The following AMOT variants were observed in gnomAD, a reference collection of about 807,000 sequenced individuals.
The protein encoded by AMOT is angiomotin.
Under a neutral mutation model 67.0 loss-of-function variants are expected in AMOT, and 11 were observed. The observed-to-expected ratio is 0.16, with a 90% CI of 0.10 to 0.27. The LOEUF is 0.27. Ranked by LOEUF, AMOT falls within the 10% of genes least tolerant of loss-of-function variation. The pLI, the probability that AMOT is intolerant of heterozygous loss-of-function variation, is 1.00. For missense variants in AMOT, 753 were observed against 852.0 expected, an observed-to-expected ratio of 0.88 and a Z score of 1.45; for synonymous variants, 326 against 321.4, an observed-to-expected ratio of 1.01 and a Z score of -0.15.
rs150420120 is a variant in AMOT at position 112,825,984 on chromosome X, T to A, written c.-211-764A>T. ...ATGCCTCCACTTGCTTTCTTGGCAC[T>A]TCCACTGCCCCAGTGTCTCAGTAAA... On this transcript the variant is annotated intron_variant, in intron 2 of 13. Transcript: ENST00000371959. Among the ~76,000 whole-genome samples, 490 of 109,312 alleles carry A rather than the reference T, an allele frequency of 4.5e-3. 6 individuals are homozygous for A. Among genetic ancestry groups the A allele is most frequent in the African/African-American group, 0.015 (465 of 30,073 alleles). 94.9% of individuals were successfully genotyped at this position (109,312 alleles called of 115,157 possible). A position where few individuals can be genotyped will look rare whatever the true frequency, so the allele number is the denominator to read the frequency against.
chrX:112,838,321 A>C (rs935278281), intron 1 of AMOT, among the ~76,000 whole-genome samples: 2 of 112,034 alleles, frequency 1.8e-5, no homozygotes, highest in African/African-American at 6.5e-5. Flanking sequence ...AAAAAGCTGG[A>C]TCAAAGGAAG....
At chrX:112,781,313 G>A (rs1933159705) in intron 11 of AMOT, among the ~76,000 whole-genome samples, 195 bp from the exon 12 acceptor site, 3 of 110,147 alleles carry the variant, frequency 2.7e-5, no homozygotes, top group South Asian at 3.9e-4. Context: ...GGTGGCAGGC[G>A]CCTATAGTCC....
chrX:112,787,576 TGTG>T (rs1367042927), intron 10 of AMOT, among the ~76,000 whole-genome samples: 1 of 111,901 alleles, frequency 8.9e-6, no homozygotes, highest in Non-Finnish European at 1.9e-5. Flanking sequence ...CTGTGTTAAT[TGTG>T]GTGGTGGTTA....
At chrX:112,779,942 C>T (rs1232008532) in intron 12 of AMOT, among the ~76,000 whole-genome samples, 8 of 110,958 alleles carry the variant, frequency 7.2e-5, no homozygotes, top group African/African-American at 1.6e-4. Context: ...CTACAGACTT[C>T]GAGGATCCCT....
At position 112,775,291 on chromosome X, in the gene AMOT, C is replaced by T. The variant is rs1325723006; in HGVS notation, c.*3276G>A. On this transcript the variant is annotated 3_prime_UTR_variant, in exon 14 of 14. Transcript: ENST00000371959. Reference sequence around the variant, plus strand: ...AAAACATTTTCAGTAAGAATGCACACGTTTTAAGTAACATATTCCATATGC... The same window carrying T: ...AAAACATTTTCAGTAAGAATGCACATGTTTTAAGTAACATATTCCATATGC... 1 of 112,712 alleles carries T rather than the reference C, an allele frequency of 8.9e-6. No individual in the cohort carries two copies. The highest frequency in any genetic ancestry group is 2.8e-4 in the East Asian group (1 of 3,582). 9.3% of individuals were successfully genotyped at this position (112,712 alleles called of 1,213,427 possible). A position where few individuals can be genotyped will look rare whatever the true frequency, so the allele number is the denominator to read the frequency against.
Position 112,778,234 on chromosome X carries a change from T to A in AMOT, c.*333A>T, listed in dbSNP as rs1486411579. 6.8e-6 allele frequency: 1 copy of A among 147,789 alleles called. No homozygotes were observed. Among genetic ancestry groups the A allele is most frequent in the African/African-American group, 3.0e-5 (1 of 33,040 alleles). The allele number at this position is 147,789 out of a possible 1,213,427, so 12.2% of individuals were successfully genotyped here. On this transcript the variant is annotated 3_prime_UTR_variant, in exon 14 of 14. Coordinates refer to ENST00000371959, the MANE Select transcript of AMOT (RefSeq NM_001113490.2). ...TACTGTGCTCTTCAATAAAAAATGA[T>A]CTAGAATATGGAAAATTTAAACAAA...
chrX:112,790,555 G>A (rs1247542645), intron 10 of AMOT, 37 bp downstream of exon 10: 1 of 1,139,643 alleles, frequency 8.8e-7, no homozygotes, highest in South Asian at 2.2e-5. Flanking sequence ...TGACCTTTCT[G>A]TTCTTCCCAC....
intron 5 of AMOT, among the ~76,000 whole-genome samples, chrX:112,815,117 G>A (rs976455245): frequency 1.6e-4 from 18 of 111,608 alleles, no homozygotes; most frequent in Non-Finnish European, 2.8e-4. Context: ...GGGCTATAGC[G>A]TCTGGAAAAA....
Position 112,814,296 on chromosome X carries a change from G to GC in AMOT, c.1392+1061_1392+1062insG, listed in dbSNP as rs200752568. Among the ~76,000 whole-genome samples the GC allele has an allele frequency of 9.9e-3, 1,079 of 109,038 alleles. 16 individuals are homozygous for GC. Among genetic ancestry groups the GC allele is most frequent in the African/African-American group, 0.035 (1,039 of 30,039 alleles). The allele number at this position is 109,038 out of a possible 115,157, so 94.7% of individuals were successfully genotyped here. On this transcript the variant is annotated intron_variant, in intron 5 of 13. Transcript: ENST00000371959. ...TCAAAAAAAAAAAAAAAGAAAGAAA[G>GC]AAAAAAAATCATCTGCTGATAATAA...
At chrX:112,794,368 T>C (rs1247552710) in intron 8 of AMOT, among the ~76,000 whole-genome samples, 1 of 111,629 alleles carries the variant, frequency 9.0e-6, no homozygotes, top group Non-Finnish European at 1.9e-5. Flanking sequence ...CCAAAAAATA[T>C]CTCATTTTGA....
chrX:112,829,265 C>G (rs1344954044), intron 2 of AMOT, among the ~76,000 whole-genome samples: 1 of 111,494 alleles, frequency 9.0e-6, no homozygotes, highest in Non-Finnish European at 1.9e-5. Flanking sequence ...GTGATTGGAT[C>G]ATGGGGGCAG....
intron 5 of AMOT, among the ~76,000 whole-genome samples, chrX:112,812,309 C>T (rs1459508480): frequency 9.9e-5 from 11 of 111,513 alleles, no homozygotes; most frequent in South Asian, 7.6e-4. Flanking sequence ...CTGTGGGGTA[C>T]GCAGAGGGAA....
chrX:112,826,720 A>T (rs1349432801), intron 2 of AMOT, among the ~76,000 whole-genome samples: 1 of 111,469 alleles, frequency 9.0e-6, no homozygotes, highest in East Asian at 2.8e-4. Context: ...CTACCATATG[A>T]TTTTTTTCCA....
intron 4 of AMOT, among the ~76,000 whole-genome samples, chrX:112,816,220 T>TA (rs1224200858): frequency 8.9e-6 from 1 of 111,792 alleles, no homozygotes; most frequent in Non-Finnish European, 1.9e-5. Flanking sequence ...ACGATTCTTC[T>TA]ACAAGGTAAT....
intron 10 of AMOT, among the ~76,000 whole-genome samples, chrX:112,788,228 G>A (rs1933442907): frequency 9.2e-6 from 1 of 108,752 alleles, no homozygotes; most frequent in Non-Finnish European, 1.9e-5. Context: ...GGCGGAGGCT[G>A]CAGTGAGCCG....
chrX:112,833,688 G>C (rs918744263), intron 1 of AMOT, among the ~76,000 whole-genome samples: 15 of 111,949 alleles, frequency 1.3e-4, no homozygotes, highest in African/African-American at 4.9e-4. Flanking sequence ...ATTCAAATAA[G>C]CTTTGGTTTA....
At chrX:112,838,207 G>A (rs947462344) in intron 1 of AMOT, among the ~76,000 whole-genome samples, 15 of 111,546 alleles carry the variant, frequency 1.3e-4, no homozygotes, top group Non-Finnish European at 2.6e-4. Context: ...TAACCATCCT[G>A]AGAACTTCAG....
At chrX:112,783,690 C>CGTGT (rs1933273012) in intron 10 of AMOT, among the ~76,000 whole-genome samples, 3 of 89,162 alleles carry the variant, frequency 3.4e-5, no homozygotes, top group Non-Finnish European at 2.1e-5. Context: ...TAAGGAAAAA[C>CGTGT]ATGTGTGTGT....
intron 1 of AMOT, among the ~76,000 whole-genome samples, chrX:112,837,728 G>A (rs956996793): frequency 7.2e-5 from 8 of 111,298 alleles, no homozygotes; most frequent in African/African-American, 2.6e-4. Flanking sequence ...GCAGCAAGGA[G>A]GGAAAAGTAA....
Sources: gnomAD v4.1 joint callset for allele counts (sites outside exome capture counted in the v4.1 genomes callset) on GRCh38, gnomAD v4.1.1 for gene constraint, MANE v1.5 for transcripts, NCBI Gene and HGNC (gene_info 2026-07-23, HGNC 2026-07-21) for gene names.